CCSER1: variants seen among roughly 807,000 people sequenced by gnomAD.
CCSER1 encodes the protein serine-rich coiled-coil domain-containing protein 1.
A neutral mutation model predicts 82.0 loss-of-function variants in CCSER1; 41 were observed. The ratio of observed to expected loss-of-function variants is 0.50; its 90% CI spans 0.39 to 0.65. The LOEUF (loss-of-function observed/expected upper bound fraction) is 0.65, where lower values mean the gene tolerates loss of function less well. Among genes scored for constraint, CCSER1 ranks in the 30% least tolerant of loss-of-function variants. CCSER1 has a pLI of 0.00. For missense variants in CCSER1, 1,119 were observed against 1,064.2 expected (o/e 1.05, Z -0.72); for synonymous variants, 414 against 383.9 (o/e 1.08, Z -0.92).
chr4:90,898,334 G>C (rs74762562), intron 8 of CCSER1, among the ~76,000 whole-genome samples: 3,852 of 132,788 alleles, frequency 0.029, 78 homozygotes, highest in African/African-American at 0.051. Context: ...CCAGGCTGGA[G>C]TGTAATAGCA....
chr4:90,260,162 G>A (rs1724065407), intron 1 of CCSER1, among the ~76,000 whole-genome samples: 1 of 152,152 alleles, frequency 6.6e-6, no homozygotes, highest in Non-Finnish European at 1.5e-5. Context: ...GGTCTGTTCA[G>A]TGTTCCTGTT....
intron 5 of CCSER1, among the ~76,000 whole-genome samples, chr4:90,469,302 A>G (rs1764042109): frequency 6.6e-6 from 1 of 152,098 alleles, no homozygotes; most frequent in Non-Finnish European, 1.5e-5. Context: ...TTGCATGAAG[A>G]TATTCAGTAT....
chr4:90,604,317 G>T (rs774456819), intron 5 of CCSER1, among the ~76,000 whole-genome samples: 4 of 152,052 alleles, frequency 2.6e-5, no homozygotes, highest in Non-Finnish European at 4.4e-5. Context: ...TGTCTTCAAG[G>T]CTGCCCATGT....
intron 9 of CCSER1, among the ~76,000 whole-genome samples, chr4:90,966,980 C>T (rs1191913946): frequency 6.6e-6 from 1 of 152,028 alleles, no homozygotes; most frequent in Non-Finnish European, 1.5e-5. Context: ...GGATAACCTA[C>T]ACTTTTCAAT....
intron 1 of CCSER1, among the ~76,000 whole-genome samples, chr4:90,255,263 C>A (rs1379103168): frequency 2.0e-5 from 3 of 151,672 alleles, no homozygotes; most frequent in African/African-American, 7.3e-5. Context: ...TAAGCATAAC[C>A]ATATATTTTT....
rs1391356519 is a variant in CCSER1, at chr4:91,574,046, G to A, written c.2218-24526G>A. Among the ~76,000 whole-genome samples the A allele has an allele frequency of 2.0e-5, 3 of 151,932 alleles. No individual in the cohort carries two copies. The South Asian group carries it at 6.2e-4, about 32-fold the overall frequency. On this transcript the variant is annotated intron_variant, in intron 10 of 10. Transcript: ENST00000509176. ...ATGGAACAATATCTATTGTTCCATT[G>A]ATTGGAATAATTAATATTTTTTAAA...
intron 1 of CCSER1, among the ~76,000 whole-genome samples, chr4:90,298,761 C>T (rs903095416): frequency 1.8e-4 from 27 of 152,116 alleles, no homozygotes; most frequent in Non-Finnish European, 3.5e-4. Context: ...ACCCAGTAGT[C>T]ATTCAGGAGC....
chr4:91,171,623 C>T (rs1732766489), intron 10 of CCSER1, among the ~76,000 whole-genome samples: 1 of 152,114 alleles, frequency 6.6e-6, no homozygotes. Flanking sequence ...CCAGGCCTCA[C>T]ATAATTTGAT....
chr4:90,332,185 C>T (rs942370809), intron 3 of CCSER1, among the ~76,000 whole-genome samples: 6 of 151,892 alleles, frequency 4.0e-5, no homozygotes, highest in Non-Finnish European at 8.8e-5. Flanking sequence ...ATAGAACGAG[C>T]ATCACTTTAG....
intron 4 of CCSER1, among the ~76,000 whole-genome samples, chr4:90,449,130 G>A (rs1761097109): frequency 6.6e-6 from 1 of 152,336 alleles, no homozygotes; most frequent in South Asian, 2.1e-4. Context: ...TCAGCTCTCA[G>A]CTGGAAGGAG....
intron 8 of CCSER1, among the ~76,000 whole-genome samples, chr4:90,867,098 C>G (rs1765834187): frequency 6.6e-6 from 1 of 151,984 alleles, no homozygotes; most frequent in African/African-American, 2.4e-5. Context: ...CACTTGCCCT[C>G]CCCAGCTCTC....
chr4:90,538,212 G>A (rs1775662251), intron 5 of CCSER1, among the ~76,000 whole-genome samples: 1 of 151,942 alleles, frequency 6.6e-6, no homozygotes, highest in East Asian at 1.9e-4. Flanking sequence ...TGGGGCTGGG[G>A]GTTGCAGCAG....
chr4:90,973,431 C>T lies in CCSER1; in HGVS notation c.2172+49984C>T, dbSNP rs563400687. Among the ~76,000 whole-genome samples, 15 of 151,622 alleles carry T rather than the reference C, an allele frequency of 9.9e-5. No individual in the cohort carries two copies. In the South Asian group the frequency reaches 2.3e-3, roughly 23 times the overall value. ...AAAAGGTGCTCAACATCACTAATCACCAGGAAAATACAATCATAAGTACAA... is the reference window on the plus strand; with the variant it reads ...AAAAGGTGCTCAACATCACTAATCATCAGGAAAATACAATCATAAGTACAA... On this transcript the variant is annotated intron_variant, in intron 9 of 10. Transcript: ENST00000509176.
intron 10 of CCSER1, among the ~76,000 whole-genome samples, chr4:91,165,633 A>G (rs1212589946): frequency 6.6e-6 from 1 of 152,186 alleles, no homozygotes; most frequent in Non-Finnish European, 1.5e-5. Context: ...AAGCCTCAGC[A>G]ATGGCAGACG....
chr4:91,292,116 G>A (rs754739680), intron 10 of CCSER1, among the ~76,000 whole-genome samples: 16 of 152,008 alleles, frequency 1.1e-4, no homozygotes, highest in Non-Finnish European at 2.4e-4. Context: ...GTTGTTGAAT[G>A]TGAACAAGAG....
intron 9 of CCSER1, among the ~76,000 whole-genome samples, chr4:90,950,078 T>C (rs961141735): frequency 6.6e-6 from 1 of 152,096 alleles, no homozygotes; most frequent in African/African-American, 2.4e-5. Context: ...AATGCTTTTG[T>C]TACATTGCCA....
At chr4:90,310,376 A>G (rs1171421126) in intron 2 of CCSER1, among the ~76,000 whole-genome samples, 1 of 152,106 alleles carries the variant, frequency 6.6e-6, no homozygotes, top group Non-Finnish European at 1.5e-5. Flanking sequence ...TCTTTGACAT[A>G]TTTTAATTCC....
intron 4 of CCSER1, among the ~76,000 whole-genome samples, chr4:90,434,896 T>C (rs552759442): frequency 6.6e-6 from 1 of 152,282 alleles, no homozygotes; most frequent in Non-Finnish European, 1.5e-5. Flanking sequence ...TTTCCCCACT[T>C]CTTTTCGTCT....
chr4:90,909,316 G>T (rs1725975660), intron 8 of CCSER1, among the ~76,000 whole-genome samples: 1 of 152,066 alleles, frequency 6.6e-6, no homozygotes, highest in Non-Finnish European at 1.5e-5. Context: ...ACATTCACGG[G>T]CTCCAAGTAG....
Sources: allele counts gnomAD v4.1 joint callset (sites outside exome capture counted in the v4.1 genomes callset), GRCh38; gene constraint gnomAD v4.1.1; transcripts MANE v1.5; gene names NCBI Gene and HGNC (gene_info 2026-07-23, HGNC 2026-07-21).